TNRC6B: variants seen among roughly 807,000 people sequenced by gnomAD.
TNRC6B encodes trinucleotide repeat containing adaptor 6B, also known as trinucleotide repeat-containing gene 6B protein.
In TNRC6B, 52 loss-of-function variants were observed where a neutral mutation model predicts 203.6. The observed-to-expected ratio is 0.26, with a 90% confidence interval of 0.20 to 0.32. TNRC6B has a LOEUF of 0.32. Among genes scored for constraint, TNRC6B ranks in the 10% least tolerant of loss-of-function variants. The pLI, the probability that TNRC6B is intolerant of heterozygous loss-of-function variation, is 1.00. For synonymous variants in TNRC6B, 838 were observed against 845.7 expected (o/e 0.99, Z 0.16); for missense variants, 1,923 against 2,286.2 (o/e 0.84, Z 3.24).
At chr22:40,224,825 G>A (rs1488709384) in intron 1 of TNRC6B, among the ~76,000 whole-genome samples, 1 of 152,192 alleles carries the variant, frequency 6.6e-6, no homozygotes, top group African/African-American at 2.4e-5. Context: ...GAAGTCGTGT[G>A]TGGTTCTTGA....
intron 2 of TNRC6B, among the ~76,000 whole-genome samples, chr22:40,250,485 C>CT (rs1461624365): frequency 6.6e-6 from 1 of 151,948 alleles, no homozygotes; most frequent in Non-Finnish European, 1.5e-5. Context: ...ACAAAGCACC[C>CT]TTGATTTGTC....
At chr22:40,119,954 A>G (rs1045927235) in intron 2 of TNRC6B, among the ~76,000 whole-genome samples, 3 of 152,238 alleles carry the variant, frequency 2.0e-5, no homozygotes, top group African/African-American at 7.2e-5. Context: ...CCAAAACAAC[A>G]AAAAATGAGA....
At chr22:40,219,150 C>G (rs772342000) in intron 1 of TNRC6B, among the ~76,000 whole-genome samples, 9 of 152,194 alleles carry the variant, frequency 5.9e-5, no homozygotes, top group Non-Finnish European at 1.2e-4. Context: ...CTACCAGTTC[C>G]TCTCCCTGGG....
chr22:40,064,564 C>G lies in TNRC6B; in HGVS notation c.-121+19566C>G, dbSNP rs143611528. ...ATTACATTGATTTTTGTATATTAAG[C>G]TAACTTTGCATTCCTGGGATAAATC... On this transcript the variant is annotated intron_variant, in intron 1 of 23. Transcript: ENST00000301923. Among the ~76,000 whole-genome samples, 59 of 150,726 alleles carry G rather than the reference C, an allele frequency of 3.9e-4. No homozygotes were observed. In the East Asian group the frequency reaches 0.011, roughly 27 times the overall value.
At chr22:40,270,015 T>A (rs1413715092) in intron 5 of TNRC6B, 107 bp from the exon 6 acceptor site, 2 of 1,115,700 alleles carry the variant, frequency 1.8e-6, no homozygotes, top group Non-Finnish European at 2.5e-6. Context: ...TATTTACATT[T>A]CTACCAACAG....
At chr22:40,148,430 C>T (rs1045570604) in intron 3 of TNRC6B, among the ~76,000 whole-genome samples, 1 of 151,834 alleles carries the variant, frequency 6.6e-6, no homozygotes, top group African/African-American at 2.4e-5. Context: ...ATTACAGGCG[C>T]CTGCCACCAC....
chr22:40,065,433 C>T (rs1398309892), intron 1 of TNRC6B, among the ~76,000 whole-genome samples: 6 of 152,072 alleles, frequency 3.9e-5, no homozygotes, highest in Non-Finnish European at 5.9e-5. Flanking sequence ...GCCACCTCTC[C>T]TGGCACTGGG....
intron 1 of TNRC6B, among the ~76,000 whole-genome samples, chr22:40,077,075 G>GAA (rs998413915): frequency 4.7e-4 from 68 of 145,274 alleles, no homozygotes; most frequent in African/African-American, 1.6e-3. Flanking sequence ...AGAAAAGAGA[G>GAA]AAGAGGAGAG....
rs914737591 is a variant in TNRC6B, at chr22:40,050,970, G to A, written c.-121+5972G>A. On this transcript the variant is annotated intron_variant, in intron 1 of 23. Coordinates refer to the TNRC6B transcript ENST00000301923. ...CTCTCGAGTAGCTAGGACTACAGGT[G>A]CGCACCACCACACCTGGCTAATTTT... Among the ~76,000 whole-genome samples, 14 of 151,864 alleles carry A rather than the reference G, an allele frequency of 9.2e-5. No homozygotes were observed. In the South Asian group the frequency reaches 1.2e-3, roughly 14 times the overall value.
At chr22:40,115,054 TCA>T (rs1387550133) in intron 1 of TNRC6B, among the ~76,000 whole-genome samples, 2 of 152,218 alleles carry the variant, frequency 1.3e-5, no homozygotes, top group South Asian at 2.1e-4. Flanking sequence ...GGAAAACTGC[TCA>T]GTTTCCCTAG....
Position 40,177,954 on chromosome 22 carries a change from G to A in TNRC6B, c.-182G>A, listed in dbSNP as rs2069083018. 1.4e-6 allele frequency: 2 copies of A among 1,420,406 alleles called. No homozygotes were observed. Among genetic ancestry groups the A allele is most frequent in the South Asian group, 1.6e-5 (1 of 62,338 alleles). 88.0% of individuals were successfully genotyped at this position (1,420,406 alleles called of 1,614,324 possible). ...ACAGAGAGGGAGAGAGAGAGCAAGA[G>A]GGAGAGTGTGTGAGAGAGAGTTAGT... On this transcript the variant is annotated 5_prime_UTR_variant, in exon 1 of 23. Coordinates refer to ENST00000454349, the MANE Select transcript of TNRC6B (RefSeq NM_001162501.2).
chr22:40,160,203 G>A (rs890749635), intron 4 of TNRC6B, among the ~76,000 whole-genome samples: 5 of 152,016 alleles, frequency 3.3e-5, no homozygotes, highest in African/African-American at 9.7e-5. Flanking sequence ...TGGGCCAGGC[G>A]CGGTGACTCA....
At chr22:40,316,043 A>G (rs1429161757) in intron 21 of TNRC6B, 31 bp downstream of exon 21, 4 of 1,596,088 alleles carry the variant, frequency 2.5e-6, no homozygotes, top group East Asian at 4.5e-5. Flanking sequence ...TTTTCTAGAT[A>G]GGACTTGATT....
In TNRC6B at chr22:40,328,459, AAC is replaced by A. The variant is rs2071428572; in HGVS notation, c.*5222_*5223del. On this transcript the variant is annotated 3_prime_UTR_variant, in exon 23 of 23. Coordinates refer to ENST00000454349, the MANE Select transcript of TNRC6B (RefSeq NM_001162501.2). Reference sequence around the variant, plus strand: ...CTGAGAATTTGGAAGCACCTTTATTAACACATATATCTCGCAGAAACTAGAAG... The same window carrying A: ...CTGAGAATTTGGAAGCACCTTTATTAACATATATCTCGCAGAAACTAGAAG... 1 of 152,234 alleles carries A rather than the reference AAC, an allele frequency of 6.6e-6. No homozygotes were observed. The highest frequency in any genetic ancestry group is 2.1e-4 in the South Asian group (1 of 4,836). The allele number at this position is 152,234 out of a possible 1,614,324, so 9.4% of individuals were successfully genotyped here.
At chr22:40,282,209 T>G (rs1185513416) in intron 11 of TNRC6B, among the ~76,000 whole-genome samples, 9 of 152,240 alleles carry the variant, frequency 5.9e-5, no homozygotes, top group Non-Finnish European at 7.3e-5. Flanking sequence ...ATATGATAAC[T>G]TCCACATACA....
At chr22:40,134,774 A>G (rs1166412995) in intron 3 of TNRC6B, among the ~76,000 whole-genome samples, 2 of 152,244 alleles carry the variant, frequency 1.3e-5, no homozygotes, top group South Asian at 2.1e-4. Context: ...CTAAGGTAAC[A>G]TGTTACTAAC....
At chr22:40,150,187 C>T (rs2068737011) in intron 3 of TNRC6B, among the ~76,000 whole-genome samples, 1 of 152,032 alleles carries the variant, frequency 6.6e-6, no homozygotes, top group Admixed American at 6.6e-5. Flanking sequence ...ACCATCCTGG[C>T]TAACACGGTG....
intron 1 of TNRC6B, among the ~76,000 whole-genome samples, chr22:40,062,851 A>C (rs1476777224): frequency 6.6e-6 from 1 of 152,160 alleles, no homozygotes; most frequent in Non-Finnish European, 1.5e-5. Context: ...ATATATCTAG[A>C]TATAAATCCC....
chr22:40,149,634 C>T (rs927040152), intron 3 of TNRC6B, among the ~76,000 whole-genome samples: 2 of 139,958 alleles, frequency 1.4e-5, no homozygotes, highest in Non-Finnish European at 3.0e-5. Flanking sequence ...CGCGCCATTG[C>T]ACTACAGCCT....
Sources: gnomAD v4.1 joint callset for allele counts (sites outside exome capture counted in the v4.1 genomes callset) on GRCh38, gnomAD v4.1.1 for gene constraint, MANE v1.5 for transcripts, NCBI Gene and HGNC (gene_info 2026-07-23, HGNC 2026-07-21) for gene names.